The following GRIN2A variants were observed in gnomAD, a reference collection of about 807,000 sequenced individuals.
The protein encoded by GRIN2A is glutamate receptor ionotropic, NMDA 2A.
In GRIN2A, 22 loss-of-function variants were observed where a neutral mutation model predicts 113.4. The observed-to-expected ratio is 0.19, with a 90% CI of 0.14 to 0.28. The LOEUF (loss-of-function observed/expected upper bound fraction) is 0.28, where lower values mean the gene tolerates loss of function less well. GRIN2A is among the 10% of genes least tolerant of loss of function. The pLI is 1.00. For missense variants in GRIN2A, 1,502 were observed against 1,887.0 expected (o/e 0.80, Z 3.78); for synonymous variants, 827 against 738.4 (o/e 1.12, Z -1.94).
intron 2 of GRIN2A, among the ~76,000 whole-genome samples, chr16:10,024,185 C>G (rs559141785): frequency 6.6e-6 from 1 of 152,318 alleles, no homozygotes; most frequent in African/African-American, 2.4e-5. Flanking sequence ...TCATTGCAGA[C>G]TAATGATGCA....
chr16:10,152,033 G>A (rs974002098), intron 2 of GRIN2A, among the ~76,000 whole-genome samples: 2 of 152,202 alleles, frequency 1.3e-5, no homozygotes, highest in Non-Finnish European at 2.9e-5. Flanking sequence ...GTCCTGAGAA[G>A]GAGACACAGT....
intron 11 of GRIN2A, among the ~76,000 whole-genome samples, chr16:9,775,291 C>G (rs1043623888): frequency 2.6e-5 from 4 of 152,140 alleles, no homozygotes; most frequent in African/African-American, 9.7e-5. Context: ...TTCTGAGAAG[C>G]TGAGTTCGAT....
chr16:9,848,738 GTT>G (rs1241598352), intron 5 of GRIN2A, among the ~76,000 whole-genome samples: 1 of 115,828 alleles, frequency 8.6e-6, no homozygotes, highest in East Asian at 2.1e-4. Flanking sequence ...AAAATACACT[GTT>G]TTATAATATT....
chr16:9,855,813 TG>T (rs764748865), intron 4 of GRIN2A, among the ~76,000 whole-genome samples: 5 of 152,200 alleles, frequency 3.3e-5, no homozygotes, highest in Non-Finnish European at 7.3e-5. Context: ...GGTGGCAGGA[TG>T]GTTCTGAGAA....
At chr16:9,844,028 C>G (rs1195395290) in intron 5 of GRIN2A, among the ~76,000 whole-genome samples, 1 of 151,994 alleles carries the variant, frequency 6.6e-6, no homozygotes, top group African/African-American at 2.4e-5. Flanking sequence ...GCACTGATGC[C>G]CTTTCCCTAC....
At chr16:9,898,482 T>C (rs975881024) in intron 3 of GRIN2A, among the ~76,000 whole-genome samples, 2 of 152,352 alleles carry the variant, frequency 1.3e-5, no homozygotes, top group East Asian at 3.9e-4. Context: ...AATCTAATTA[T>C]TTGAGATGTT....
At position 9,761,148 on chromosome 16, in the gene GRIN2A, T is replaced by C. The variant is rs1222236609; in HGVS notation, c.*2001A>G. The C allele has an allele frequency of 4.3e-6, 1 of 232,684 alleles. No homozygotes were observed. The highest frequency in any genetic ancestry group is 8.5e-6 in the Non-Finnish European group (1 of 117,648). The allele number at this position is 232,684 out of a possible 1,614,324, so 14.4% of individuals were successfully genotyped here. The stretch of plus-strand genomic sequence containing the variant: ...TCTCCCTATGATTGACCCTGAAATT[T>C]ATTGCAACCACTTTTCATTATAGGA... On this transcript the variant is annotated 3_prime_UTR_variant, in exon 13 of 13. Transcript: ENST00000330684.
At chr16:10,025,613 T>C (rs546188614) in intron 2 of GRIN2A, among the ~76,000 whole-genome samples, 3 of 152,174 alleles carry the variant, frequency 2.0e-5, no homozygotes, top group African/African-American at 7.2e-5. Flanking sequence ...AGCAGAACCT[T>C]TGAGATATAT....
In GRIN2A at chr16:9,759,139, G is replaced by T. The variant is rs1247342590; in HGVS notation, c.*4010C>A. On this transcript the variant is annotated 3_prime_UTR_variant, in exon 13 of 13. Coordinates refer to ENST00000330684, the MANE Select transcript of GRIN2A (RefSeq NM_001134407.3). The stretch of plus-strand genomic sequence containing the variant: ...GTTAACGAATATATCCAGCTCCTCT[G>T]TAAGGTATTTAGAGTTCTCAAATTA... 9.2e-6 allele frequency: 2 copies of T among 217,264 alleles called. No individual in the cohort carries two copies. The highest frequency in any genetic ancestry group is 1.8e-4 in the South Asian group (1 of 5,408). 13.5% of individuals were successfully genotyped at this position (217,264 alleles called of 1,614,324 possible).
intron 2 of GRIN2A, among the ~76,000 whole-genome samples, chr16:10,107,870 G>A (rs6497690): frequency 0.57 from 87,382 of 152,082 alleles, 25,704 homozygotes; most frequent in Admixed American, 0.69. Flanking sequence ...CAAGGCAGTG[G>A]GGGTACAGAG....
At chr16:9,986,697 G>A (rs985223862) in intron 2 of GRIN2A, among the ~76,000 whole-genome samples, 19 of 149,930 alleles carry the variant, frequency 1.3e-4, no homozygotes, top group Non-Finnish European at 2.5e-4. Flanking sequence ...CTCAGGAGAC[G>A]GAGGTTGCAA....
At chr16:9,820,015 G>A (rs1447518249) in intron 10 of GRIN2A, among the ~76,000 whole-genome samples, 1 of 151,690 alleles carries the variant, frequency 6.6e-6, no homozygotes, top group Non-Finnish European at 1.5e-5. Flanking sequence ...CCCCACATGG[G>A]AGATTGAGTA....
chr16:10,061,614 G>A (rs1251279438), intron 2 of GRIN2A, among the ~76,000 whole-genome samples: 2 of 152,178 alleles, frequency 1.3e-5, no homozygotes, highest in African/African-American at 2.4e-5. Flanking sequence ...AAGTCAGTCT[G>A]GGGCAGAGAG....
intron 2 of GRIN2A, among the ~76,000 whole-genome samples, chr16:9,984,007 T>G (rs1225781226): frequency 6.6e-6 from 1 of 152,230 alleles, no homozygotes; most frequent in East Asian, 1.9e-4. Flanking sequence ...CTGTTCTAAA[T>G]TCCCACCAGC....
intron 2 of GRIN2A, among the ~76,000 whole-genome samples, chr16:9,954,603 G>C (rs1596359041): frequency 1.3e-5 from 2 of 152,148 alleles, no homozygotes; most frequent in Non-Finnish European, 2.9e-5. Context: ...GCTCACACAA[G>C]ATGGTGATTA....
chr16:10,040,414 A>G (rs951810233), intron 2 of GRIN2A, among the ~76,000 whole-genome samples: 16 of 151,310 alleles, frequency 1.1e-4, no homozygotes, highest in African/African-American at 3.2e-4. Flanking sequence ...CAAACACACC[A>G]CCACACACAC....
intron 2 of GRIN2A, among the ~76,000 whole-genome samples, chr16:9,976,760 T>C (rs1030922948): frequency 6.6e-6 from 1 of 152,186 alleles, no homozygotes; most frequent in Non-Finnish European, 1.5e-5. Flanking sequence ...AAATGATGCA[T>C]GTCCTCTGAA....
rs562556125 is a variant in GRIN2A, at chr16:9,804,650, G to A, written c.2169-6186C>T. Among the ~76,000 whole-genome samples the A allele has an allele frequency of 8.5e-5, 13 of 152,098 alleles. No individual in the cohort carries two copies. In the South Asian group the frequency reaches 1.3e-3, roughly 15 times the overall value. ...GCCTCCACTCCCTATAGAAGATGTT[G>A]GAGAGGAGCGATCCCTCTTCTCCAA... On this transcript the variant is annotated intron_variant, in intron 10 of 12. Coordinates refer to ENST00000330684, the MANE Select transcript of GRIN2A (RefSeq NM_001134407.3).
chr16:9,863,912 CA>C (rs1338048391), intron 4 of GRIN2A, among the ~76,000 whole-genome samples: 2 of 152,016 alleles, frequency 1.3e-5, no homozygotes, highest in Non-Finnish European at 2.9e-5. Flanking sequence ...TATAGGTCTG[CA>C]AAAAAAGTTT....
Sources: gnomAD v4.1 joint callset for allele counts (sites outside exome capture counted in the v4.1 genomes callset) on GRCh38, gnomAD v4.1.1 for gene constraint, MANE v1.5 for transcripts, NCBI Gene and HGNC (gene_info 2026-07-23, HGNC 2026-07-21) for gene names.